Variants in DNAJB6 observed in about 807,000 individuals in gnomAD.
DNAJB6 encodes DnaJ heat shock protein family (Hsp40) member B6.
A neutral mutation model predicts 42.7 loss-of-function variants in DNAJB6; 16 were observed. The observed-to-expected ratio is 0.37, with a 90% CI of 0.25 to 0.57. DNAJB6 has a LOEUF of 0.57. Ranked by LOEUF, DNAJB6 falls within the 20% of genes least tolerant of loss-of-function variation. The pLI is 0.74. For missense variants in DNAJB6, 347 were observed against 416.8 expected, an observed-to-expected ratio of 0.83 and a Z score of 1.46; for synonymous variants, 170 against 163.5, an observed-to-expected ratio of 1.04 and a Z score of -0.30.
chr7:157,409,699 A>T, intron 8 of DNAJB6, 96 bp from the exon 9 acceptor site: 1 of 1,339,204 alleles, frequency 7.5e-7, no homozygotes, highest in Non-Finnish European at 9.9e-7. Context: ...GTCTGGATTC[A>T]GGGAGATCGT....
intron 1 of DNAJB6, among the ~76,000 whole-genome samples, chr7:157,347,363 C>A (rs1005869173): frequency 5.9e-5 from 9 of 152,162 alleles, no homozygotes; most frequent in African/African-American, 2.2e-4. Context: ...GTTCTGGAGG[C>A]AAACTTGGAT....
At chr7:157,355,917 G>A (rs1461573117) in intron 1 of DNAJB6, among the ~76,000 whole-genome samples, 1 of 152,160 alleles carries the variant, frequency 6.6e-6, no homozygotes, top group Non-Finnish European at 1.5e-5. Flanking sequence ...CTGGCCACGC[G>A]GCCCTCACCC....
At chr7:157,354,236 T>G (rs1799158589) in intron 1 of DNAJB6, among the ~76,000 whole-genome samples, 1 of 151,950 alleles carries the variant, frequency 6.6e-6, no homozygotes, top group Admixed American at 6.6e-5. Flanking sequence ...CAGCCTCCGC[T>G]TCCTGGGTTC....
At chr7:157,397,537 TTCC>T (rs1430155477) in intron 8 of DNAJB6, among the ~76,000 whole-genome samples, 1 of 152,166 alleles carries the variant, frequency 6.6e-6, no homozygotes, top group African/African-American at 2.4e-5. Flanking sequence ...ACAGGAGACT[TTCC>T]TCCTCATTGT....
At chr7:157,342,827 G>T (rs985053350) in intron 1 of DNAJB6, among the ~76,000 whole-genome samples, 1 of 152,110 alleles carries the variant, frequency 6.6e-6, no homozygotes, top group Non-Finnish European at 1.5e-5. Flanking sequence ...TGAAGAAATG[G>T]TCTCTGATCT....
rs1799016260 is a variant in DNAJB6, at chr7:157,352,125, A to G, written c.-26-6422A>G. Among the ~76,000 whole-genome samples the G allele has an allele frequency of 4.0e-5, 6 of 151,548 alleles. 1 individual carries two copies. The South Asian group carries it at 1.0e-3, about 26-fold the overall frequency. ...GGTGAGCGGATAACGAGGTCAGGAG[A>G]TCGAGACCATCCTGGCCAACATGGT... On this transcript the variant is annotated intron_variant, in intron 1 of 9. Coordinates refer to ENST00000262177, the MANE Select transcript of DNAJB6 (RefSeq NM_058246.4).
At chr7:157,407,760 A>G (rs1414802981) in intron 8 of DNAJB6, among the ~76,000 whole-genome samples, 2 of 152,286 alleles carry the variant, frequency 1.3e-5, no homozygotes, top group East Asian at 1.9e-4. Flanking sequence ...GCCACACAAC[A>G]GCGACTTCGC....
At position 157,409,837 on chromosome 7, in the gene DNAJB6, G is replaced by A. The variant is rs758218470; in HGVS notation, c.734G>A (p.Arg245Lys). The change falls in exon 9 of 10, where the codon AGA (arginine) becomes AAA (lysine). Residue 245 changes from arginine (R) to lysine (K), a missense_variant. Physicochemically the swap from Arg to Lys is conservative, Grantham distance 26 (BLOSUM62 2). Coordinates refer to ENST00000262177, the MANE Select transcript of DNAJB6 (RefSeq NM_058246.4). ...DDALAEERMR[R>K]GQNALPAQPA... ...GCCCTCGCTGAGGAGCGCATGCGGAGAGGCCAGAACGCCCTGCCAGCCCAG... is the reference window on the plus strand; with the variant it reads ...GCCCTCGCTGAGGAGCGCATGCGGAAAGGCCAGAACGCCCTGCCAGCCCAG... 9 of 1,533,378 alleles carry A rather than the reference G, an allele frequency of 5.9e-6. No homozygotes were observed. The South Asian group carries it at 8.3e-5, about 14-fold the overall frequency. 95.0% of individuals were successfully genotyped at this position (1,533,378 alleles called of 1,614,324 possible). A position where few individuals can be genotyped will look rare whatever the true frequency, so the allele number is the denominator to read the frequency against.
At chr7:157,406,992 G>A (rs1313170488) in intron 8 of DNAJB6, among the ~76,000 whole-genome samples, 2 of 152,346 alleles carry the variant, frequency 1.3e-5, no homozygotes, top group African/African-American at 4.8e-5. Flanking sequence ...CTCCCCAGGC[G>A]ATGGCAGCCC....
Position 157,416,612 on chromosome 7 carries a change from G to A in DNAJB6, c.*514G>A, listed in dbSNP as rs17837760. ...TTTCCTCAGAGCAATCCGGCCACAC[G>A]AATAGAAGGCTGTCGTGAATCACAT... On this transcript the variant is annotated 3_prime_UTR_variant, in exon 10 of 10. Coordinates refer to ENST00000262177, the MANE Select transcript of DNAJB6 (RefSeq NM_058246.4). 0.012 allele frequency: 1,836 copies of A among 153,252 alleles called. 43 individuals carry two copies. The highest frequency in any genetic ancestry group is 0.042 in the African/African-American group (1,747 of 41,606). 9.5% of individuals were successfully genotyped at this position (153,252 alleles called of 1,614,324 possible).
rs374354272 is a variant in DNAJB6 at position 157,357,318 on chromosome 7, C to T, written c.-26-1229C>T. On this transcript the variant is annotated intron_variant, in intron 1 of 9. Transcript: ENST00000262177. ...TCCTTCCTTCCTTCCTTCCTTCCTT[C>T]CTTCCTCGTTCCGTCGCCCGGGCTG... Among the ~76,000 whole-genome samples the T allele has an allele frequency of 2.8e-4, 9 of 32,708 alleles. 3 individuals are homozygous for T. The highest frequency in any genetic ancestry group is 7.2e-4 in the Non-Finnish European group (9 of 12,542). 21.5% of individuals were successfully genotyped at this position (32,708 alleles called of 152,430 possible). A position where few individuals can be genotyped will look rare whatever the true frequency, so the allele number is the denominator to read the frequency against.
intron 8 of DNAJB6, among the ~76,000 whole-genome samples, chr7:157,407,672 G>A (rs1795821829): frequency 6.6e-6 from 1 of 152,158 alleles, no homozygotes; most frequent in African/African-American, 2.4e-5. Context: ...GGGTGCACAG[G>A]TGTCCCCGGG....
At chr7:157,345,026 C>T (rs1270934485) in intron 1 of DNAJB6, among the ~76,000 whole-genome samples, 5 of 151,620 alleles carry the variant, frequency 3.3e-5, no homozygotes, top group African/African-American at 4.8e-5. Flanking sequence ...GAAGTTTCGC[C>T]CTTGTTGCCC....
At chr7:157,387,706 T>C (rs950892765) in intron 8 of DNAJB6, among the ~76,000 whole-genome samples, 2 of 152,242 alleles carry the variant, frequency 1.3e-5, no homozygotes, top group African/African-American at 2.4e-5. Context: ...CATGCAACTC[T>C]AGCTGTGAAC....
intron 1 of DNAJB6, among the ~76,000 whole-genome samples, chr7:157,350,325 A>G (rs1396480713): frequency 6.6e-6 from 1 of 152,220 alleles, no homozygotes; most frequent in African/African-American, 2.4e-5. Context: ...GCCTAGAGAC[A>G]GAAAAACTTG....
intron 8 of DNAJB6, among the ~76,000 whole-genome samples, chr7:157,403,079 A>C (rs1297598548): frequency 6.6e-6 from 1 of 152,160 alleles, no homozygotes; most frequent in Non-Finnish European, 1.5e-5. Flanking sequence ...CCCTACACGC[A>C]AGATGTACGT....
chr7:157,412,640 C>G (rs943338986), intron 9 of DNAJB6: 2 of 152,228 alleles, frequency 1.3e-5, no homozygotes, highest in African/African-American at 2.4e-5. Flanking sequence ...ATCCCACTAT[C>G]ATCTTTTTGT....
chr7:157,363,209 TAAAG>T lies in DNAJB6; in HGVS notation c.117_120del (p.Glu40LysfsTer9). The stretch of plus-strand genomic sequence containing the variant: ...GGCATCCAGATAAAAATCCTGAGAA[TAAAG>T]AAGAAGCAGAGAGAAAATTCAAGCA... On this transcript the variant is annotated frameshift_variant, in exon 3 of 10. Coordinates refer to ENST00000262177, the MANE Select transcript of DNAJB6 (RefSeq NM_058246.4). LOFTEE classifies it high-confidence loss of function. 1 of 1,611,894 alleles carries T rather than the reference TAAAG, an allele frequency of 6.2e-7. No individual in the cohort carries two copies. The highest frequency in any genetic ancestry group is 8.5e-7 in the Non-Finnish European group (1 of 1,179,198).
At chr7:157,410,216 G>A in intron 9 of DNAJB6, 1 of 1,206,740 alleles carries the variant, frequency 8.3e-7, no homozygotes, top group Non-Finnish European at 1.1e-6. Context: ...CCGTTAAAAC[G>A]GGGTCCGCGT....
Sources: allele counts gnomAD v4.1 joint callset (sites outside exome capture counted in the v4.1 genomes callset), GRCh38; gene constraint gnomAD v4.1.1; transcripts MANE v1.5; gene names NCBI Gene and HGNC (gene_info 2026-07-23, HGNC 2026-07-21).